Variants in TNKS observed in about 807,000 individuals in gnomAD.
TNKS encodes the protein poly [ADP-ribose] polymerase tankyrase-1.
A neutral mutation model predicts 135.8 loss-of-function variants in TNKS; 72 were observed. The observed-to-expected ratio is 0.53, with a 90% CI of 0.44 to 0.64. The LOEUF (loss-of-function observed/expected upper bound fraction) is 0.64, where lower values mean the gene tolerates loss of function less well. Ranked by LOEUF, TNKS falls within the 30% of genes least tolerant of loss-of-function variation. TNKS has a pLI of 0.00. For missense variants in TNKS, 1,769 were observed against 1,674.0 expected (o/e 1.06, Z -0.99); for synonymous variants, 849 against 649.3 (o/e 1.31, Z -4.68).
chr8:9,709,773 C>T (rs1168463284), intron 9 of TNKS, among the ~76,000 whole-genome samples, 182 bp from the exon 10 acceptor site: 1 of 152,160 alleles, frequency 6.6e-6, no homozygotes, highest in Non-Finnish European at 1.5e-5. Context: ...TAAACGCTTA[C>T]GTTTTGTATT....
intron 2 of TNKS, among the ~76,000 whole-genome samples, chr8:9,614,019 C>T (rs139009849): frequency 1.7e-3 from 258 of 152,252 alleles, no homozygotes; most frequent in African/African-American, 5.8e-3. Context: ...CTTCTGTTTT[C>T]TTCCCCTTTG....
intron 2 of TNKS, 66 bp downstream of exon 2, chr8:9,580,449 A>G (rs987078537): frequency 6.6e-5 from 94 of 1,433,242 alleles, no homozygotes; most frequent in Non-Finnish European, 8.4e-5. Flanking sequence ...TTGTGGTACA[A>G]ATAGTGTTTC....
chr8:9,716,604 G>T (rs186545678), intron 11 of TNKS, among the ~76,000 whole-genome samples: 1 of 152,060 alleles, frequency 6.6e-6, no homozygotes, highest in Non-Finnish European at 1.5e-5. Flanking sequence ...CAAAAGACCA[G>T]AACAAGGAAT....
chr8:9,770,109 A>G lies in TNKS; in HGVS notation c.3744A>G (p.Gln1248=). 1 of 1,603,814 alleles carries G rather than the reference A, an allele frequency of 6.2e-7. No homozygotes were observed. Among genetic ancestry groups the G allele is most frequent in the African/African-American group, 1.3e-5 (1 of 74,712 alleles). Residue 1248 remains glutamine (Q), a synonymous_variant, in exon 26 of 27, where the codon CAA becomes CAG. Transcript: ENST00000310430. Reference sequence around the variant, plus strand: ...TTGTTTTTTTCTTTTTCCTTAGACAAATGCTCTTCTGTAGAGTGACCCTTG... The same window carrying G: ...TTGTTTTTTTCTTTTTCCTTAGACAGATGCTCTTCTGTAGAGTGACCCTTG... ...KDRSCYICHR[Q]MLFCRVTLGK... is the part of the protein sequence containing the mutation.
chr8:9,706,365 TTTTG>T lies in TNKS; in HGVS notation c.1269+124_1269+127del, dbSNP rs1035309011. 1.4e-5 allele frequency: 12 copies of T among 844,704 alleles called. 1 individual carries two copies. The highest frequency in any genetic ancestry group is 4.4e-5 in the South Asian group (2 of 45,062). The allele number at this position is 844,704 out of a possible 1,614,324, so 52.3% of individuals were successfully genotyped here. A position where few individuals can be genotyped will look rare whatever the true frequency, so the allele number is the denominator to read the frequency against. On this transcript the variant is annotated intron_variant, in intron 7 of 26. Transcript: ENST00000310430. ...AAAGTTTGTTTAGTTCTTTGGGGTT[TTTTG>T]TTTGTTTGTTTTGAGACAGGGTCTT... is the stretch of plus-strand genomic sequence containing the variant.
intron 5 of TNKS, among the ~76,000 whole-genome samples, chr8:9,684,071 T>C (rs535338774): frequency 5.3e-5 from 8 of 152,030 alleles, no homozygotes; most frequent in African/African-American, 1.7e-4. Flanking sequence ...TTTAGAAACA[T>C]AGGGACATAG....
At chr8:9,762,977 G>A (rs529822946) in intron 21 of TNKS, among the ~76,000 whole-genome samples, 170 bp from the exon 22 acceptor site, 2 of 149,766 alleles carry the variant, frequency 1.3e-5, no homozygotes, top group Non-Finnish European at 3.0e-5. Context: ...CTGTCTTTGA[G>A]TATATTTGTT....
rs569815042 is a variant in TNKS, at chr8:9,781,103, C to T, written c.*4367C>T. 4 of 152,240 alleles carry T rather than the reference C, an allele frequency of 2.6e-5. No homozygotes were observed. The highest frequency in any genetic ancestry group is 6.5e-5 in the Admixed American group (1 of 15,296). 9.4% of individuals were successfully genotyped at this position (152,240 alleles called of 1,614,324 possible). On this transcript the variant is annotated 3_prime_UTR_variant, in exon 27 of 27. Coordinates refer to ENST00000310430, the MANE Select transcript of TNKS (RefSeq NM_003747.3). ...ACGACCAAATATGGTCGTAGTATGA[C>T]GAGTTTTATACATTGCCAGAGAGTT...
At chr8:9,629,115 G>A (rs1447110198) in intron 3 of TNKS, among the ~76,000 whole-genome samples, 3 of 152,176 alleles carry the variant, frequency 2.0e-5, no homozygotes, top group Non-Finnish European at 4.4e-5. Context: ...TCTGTAGGCT[G>A]GTTTCAATGA....
intron 20 of TNKS, among the ~76,000 whole-genome samples, chr8:9,756,989 G>C (rs997467205): frequency 6.6e-6 from 1 of 151,654 alleles, no homozygotes; most frequent in Admixed American, 6.6e-5. Flanking sequence ...TTGTTTGTTT[G>C]TTTTTGAGAT....
At chr8:9,716,839 C>T (rs1467405740) in intron 11 of TNKS, among the ~76,000 whole-genome samples, 1 of 151,546 alleles carries the variant, frequency 6.6e-6, no homozygotes, top group African/African-American at 2.4e-5. Flanking sequence ...CTTTTACAAC[C>T]CATACTTTAT....
chr8:9,671,742 A>G (rs1030051280), intron 3 of TNKS, among the ~76,000 whole-genome samples: 1 of 152,346 alleles, frequency 6.6e-6, no homozygotes, highest in East Asian at 1.9e-4. Flanking sequence ...ATTTAACTAT[A>G]TGTAAATTAT....
intron 2 of TNKS, among the ~76,000 whole-genome samples, chr8:9,607,560 A>G (rs771701947): frequency 1.3e-5 from 2 of 152,208 alleles, no homozygotes; most frequent in Non-Finnish European, 2.9e-5. Context: ...GTCGTCTTAC[A>G]CTTGCAAAGC....
chr8:9,713,996 C>G (rs28415429), intron 11 of TNKS, among the ~76,000 whole-genome samples: 3,682 of 152,278 alleles, frequency 0.024, 96 homozygotes, highest in African/African-American at 0.07. Flanking sequence ...GCTTCTAGCA[C>G]CCTGCTGCCT....
chr8:9,671,595 G>T (rs1802272014), intron 3 of TNKS, among the ~76,000 whole-genome samples: 1 of 152,166 alleles, frequency 6.6e-6, no homozygotes, highest in Non-Finnish European at 1.5e-5. Context: ...ACCATGGAGG[G>T]AGGGGGATTG....
chr8:9,583,874 T>A (rs558498783), intron 2 of TNKS, among the ~76,000 whole-genome samples: 1 of 151,878 alleles, frequency 6.6e-6, no homozygotes, highest in East Asian at 2.0e-4. Context: ...TGATATAAGA[T>A]CTGGGAGTCG....
chr8:9,716,302 T>G (rs1473789459), intron 11 of TNKS, among the ~76,000 whole-genome samples: 1 of 152,098 alleles, frequency 6.6e-6, no homozygotes, highest in African/African-American at 2.4e-5. Context: ...ATAAGTAGAT[T>G]GTTAGCGCAA....
At chr8:9,741,567 C>A in intron 17 of TNKS, 1 of 291,952 alleles carries the variant, frequency 3.4e-6, no homozygotes. Flanking sequence ...TGTTCTACTG[C>A]ATTAGTCTTC....
chr8:9,651,128 G>C (rs1172044993), intron 3 of TNKS, among the ~76,000 whole-genome samples: 2 of 152,068 alleles, frequency 1.3e-5, no homozygotes, highest in African/African-American at 4.8e-5. Flanking sequence ...TTGGCTGTGA[G>C]TACTTGGGTT....
Sources: allele counts gnomAD v4.1 joint callset (sites outside exome capture counted in the v4.1 genomes callset), GRCh38; gene constraint gnomAD v4.1.1; transcripts MANE v1.5; gene names NCBI Gene and HGNC (gene_info 2026-07-23, HGNC 2026-07-21).